The following USH2A variants were observed in gnomAD, a reference collection of about 807,000 sequenced individuals.
The protein encoded by USH2A is Usher syndrome 2A (autosomal recessive, mild).
USH2A carries 443 observed loss-of-function variants against 538.9 expected under a neutral mutation model. The ratio of observed to expected loss-of-function variants is 0.82; its 90% CI spans 0.76 to 0.89. The LOEUF (loss-of-function observed/expected upper bound fraction) is 0.89, where lower values mean the gene tolerates loss of function less well. Among genes scored for constraint, USH2A ranks in the 40% least tolerant of loss-of-function variants. USH2A has a pLI of 0.00. For synonymous variants in USH2A, 2,413 were observed against 2,273.5 expected, an observed-to-expected ratio of 1.06 and a Z score of -1.75; for missense variants, 6,633 against 6,324.8, an observed-to-expected ratio of 1.05 and a Z score of -1.65.
Position 216,059,157 on chromosome 1 carries a change from G to A in USH2A, c.6050-10510C>T, listed in dbSNP as rs78962936. ...GAGAGAGCATATTTATATAATATATGAACGTACATAACATACACATATACA... is the reference window on the plus strand; with the variant it reads ...GAGAGAGCATATTTATATAATATATAAACGTACATAACATACACATATACA... On this transcript the variant is annotated intron_variant, in intron 30 of 71. Transcript: ENST00000307340. Among the ~76,000 whole-genome samples the A allele has an allele frequency of 3.0e-3, 455 of 152,230 alleles. 5 individuals carry two copies. Among genetic ancestry groups the A allele is most frequent in the African/African-American group, 0.011 (447 of 41,546 alleles).
At chr1:216,082,827 A>C (rs1223485192) in intron 26 of USH2A, among the ~76,000 whole-genome samples, 3 of 152,134 alleles carry the variant, frequency 2.0e-5, no homozygotes, top group Non-Finnish European at 2.9e-5. Context: ...GTGGACACAT[A>C]AATGACTCAG....
intron 21 of USH2A, among the ~76,000 whole-genome samples, chr1:216,143,813 T>G (rs2033644221): frequency 6.6e-6 from 1 of 152,204 alleles, no homozygotes; most frequent in Admixed American, 6.5e-5. Context: ...CAAACTTGCT[T>G]AATATTTGAT....
chr1:215,803,869 C>A (rs1316749329), intron 49 of USH2A, among the ~76,000 whole-genome samples: 2 of 152,118 alleles, frequency 1.3e-5, no homozygotes, highest in African/African-American at 4.8e-5. Context: ...CATCACGCTA[C>A]CTGACTTCAA....
intron 64 of USH2A, among the ~76,000 whole-genome samples, chr1:215,664,675 G>A (rs1657549006): frequency 6.6e-6 from 1 of 152,196 alleles, no homozygotes; most frequent in Non-Finnish European, 1.5e-5. Context: ...AAATACATAT[G>A]TTGAAGGCTA....
intron 11 of USH2A, among the ~76,000 whole-genome samples, chr1:216,253,517 C>A (rs550490725): frequency 3.8e-4 from 58 of 152,204 alleles, no homozygotes; most frequent in African/African-American, 1.3e-3. Context: ...AGCGTCCTTG[C>A]CTTTTGAAAT....
intron 34 of USH2A, among the ~76,000 whole-genome samples, chr1:215,993,754 G>A (rs1022605281): frequency 6.6e-5 from 10 of 152,122 alleles, no homozygotes; most frequent in African/African-American, 2.4e-4. Flanking sequence ...TTGAGTGAAT[G>A]TTTAATGGCT....
chr1:215,804,427 C>T (rs933494021), intron 49 of USH2A, among the ~76,000 whole-genome samples: 2 of 151,984 alleles, frequency 1.3e-5, no homozygotes, highest in African/African-American at 4.8e-5. Flanking sequence ...TGAACTCAAA[C>T]AAATTTACAA....
chr1:216,377,859 GA>G lies in USH2A; in HGVS notation c.652-12775del, dbSNP rs1279352572. On this transcript the variant is annotated intron_variant, in intron 3 of 71. Transcript: ENST00000307340. ...AGAAAGAAAGAAAGAAAGAAAGAAA[GA>G]AAGAAAGAAGGAAAGAAAGAAAGGA... 1.7e-3 allele frequency among the ~76,000 whole-genome samples: 234 copies of G among 133,810 alleles called. 3 individuals are homozygous for G. The highest frequency in any genetic ancestry group is 5.9e-3 in the Admixed American group (77 of 13,090). 87.8% of individuals were successfully genotyped at this position (133,810 alleles called of 152,430 possible). A position where few individuals can be genotyped will look rare whatever the true frequency, so the allele number is the denominator to read the frequency against.
chr1:216,012,589 C>T (rs1019458533), intron 32 of USH2A, among the ~76,000 whole-genome samples: 1 of 152,142 alleles, frequency 6.6e-6, no homozygotes, highest in Non-Finnish European at 1.5e-5. Flanking sequence ...TTAGCCAAAT[C>T]AGCCAAGCAG....
At chr1:215,645,880 T>C (rs1354084130) in intron 67 of USH2A, among the ~76,000 whole-genome samples, 2 of 152,034 alleles carry the variant, frequency 1.3e-5, no homozygotes, top group Non-Finnish European at 2.9e-5. Context: ...CATTCAAAGA[T>C]CTGTTCACAA....
chr1:215,733,610 G>C (rs1048206245), intron 60 of USH2A, among the ~76,000 whole-genome samples: 1 of 152,146 alleles, frequency 6.6e-6, no homozygotes, highest in Admixed American at 6.5e-5. Flanking sequence ...ATCAAAACAA[G>C]TTATTTACTT....
intron 5 of USH2A, among the ~76,000 whole-genome samples, chr1:216,326,311 G>A (rs774002027): frequency 6.6e-6 from 1 of 152,166 alleles, no homozygotes; most frequent in Non-Finnish European, 1.5e-5. Flanking sequence ...AGACATTTCA[G>A]GTAGGCCAAA....
intron 66 of USH2A, 25 bp from the exon 67 acceptor site, chr1:215,647,755 G>A: frequency 6.2e-7 from 1 of 1,610,848 alleles, no homozygotes; most frequent in Non-Finnish European, 8.5e-7. Context: ...GATACGTAGA[G>A]TCAAGACGGG....
At chr1:216,181,148 G>A (rs2034486530) in intron 20 of USH2A, among the ~76,000 whole-genome samples, 1 of 152,116 alleles carries the variant, frequency 6.6e-6, no homozygotes, top group Non-Finnish European at 1.5e-5. Context: ...ATCTGGAAAG[G>A]AGAAAATGTA....
intron 55 of USH2A, among the ~76,000 whole-genome samples, chr1:215,768,985 G>A (rs1661206460): frequency 6.6e-6 from 1 of 152,110 alleles, no homozygotes; most frequent in South Asian, 2.1e-4. Flanking sequence ...AGGATTGCAG[G>A]GATATGAGGC....
chr1:215,969,717 G>C, intron 36 of USH2A, among the ~76,000 whole-genome samples: 1 of 151,796 alleles, frequency 6.6e-6, no homozygotes, highest in African/African-American at 2.4e-5. Flanking sequence ...ACCAATCTCT[G>C]AAACAAAAAG....
At position 216,072,905 on chromosome 1, in the gene USH2A, T is replaced by C; in HGVS notation, c.5841A>G (p.Gly1947=). The C allele has an allele frequency of 1.2e-6, 2 of 1,613,896 alleles. No individual in the cohort carries two copies. Among genetic ancestry groups the C allele is most frequent in the Non-Finnish European group, 1.7e-6 (2 of 1,179,846 alleles). The change falls in exon 29 of 72, where the codon GGA becomes GGG. Residue 1947 remains glycine (G), a synonymous_variant. Transcript: ENST00000307340. ...GGSVYSDWSR[G]RTTGAAPQSV... is the part of the protein sequence containing the mutation. ...AGTATTTACCTGCTCCTGTTGTACG[T>C]CCTCGACTCCAATCACTATATACTG...
intron 53 of USH2A, 108 bp from the exon 54 acceptor site, chr1:215,782,304 T>C (rs1661666290): frequency 8.5e-7 from 1 of 1,177,160 alleles, no homozygotes; most frequent in African/African-American, 1.5e-5. Flanking sequence ...TATAGCTTTA[T>C]TTAATTTTAA....
At chr1:215,698,792 T>C (rs1055112275) in intron 61 of USH2A, among the ~76,000 whole-genome samples, 1 of 152,238 alleles carries the variant, frequency 6.6e-6, no homozygotes, top group Non-Finnish European at 1.5e-5. Context: ...ACTCTGATGA[T>C]AGTTTCTTTT....
Sources: allele counts gnomAD v4.1 joint callset (sites outside exome capture counted in the v4.1 genomes callset), GRCh38; gene constraint gnomAD v4.1.1; transcripts MANE v1.5; gene names NCBI Gene and HGNC (gene_info 2026-07-23, HGNC 2026-07-21).